Variants in MYBBP1A observed in about 807,000 individuals in gnomAD.
The protein encoded by MYBBP1A is myb-binding protein 1A.
In MYBBP1A, 147 loss-of-function variants were observed where a neutral mutation model predicts 136.3. The observed-to-expected ratio is 1.08, with a 90% CI of 0.94 to 1.24. MYBBP1A has a LOEUF of 1.24. MYBBP1A is among the 50% of genes most tolerant of loss of function. The pLI is 0.00. For synonymous variants in MYBBP1A, 947 were observed against 735.8 expected, an observed-to-expected ratio of 1.29 and a Z score of -4.65; for missense variants, 2,060 against 1,727.4, an observed-to-expected ratio of 1.19 and a Z score of -3.41.
At chr17:4,541,184 C>T (rs537573623) in intron 24 of MYBBP1A, among the ~76,000 whole-genome samples, 2 of 152,396 alleles carry the variant, frequency 1.3e-5, no homozygotes, top group East Asian at 3.9e-4. Flanking sequence ...CCAGCCCCTT[C>T]TCGGCTTTCT....
At chr17:4,545,211 C>A (rs753889303) in intron 16 of MYBBP1A, 36 bp from the exon 17 acceptor site, 27 of 1,612,818 alleles carry the variant, frequency 1.7e-5, no homozygotes, top group South Asian at 1.5e-4. Flanking sequence ...CACACCTCCC[C>A]GATCGTCCCA....
rs1906597813 is a variant in MYBBP1A, at chr17:4,542,948, C to A, written c.2857G>T (p.Gly953Cys). 1 of 1,614,018 alleles carries A rather than the reference C, an allele frequency of 6.2e-7. No homozygotes were observed. The highest frequency in any genetic ancestry group is 8.5e-7 in the Non-Finnish European group (1 of 1,179,982). Residue 953 changes from glycine (G) to cysteine (C), a missense_variant, in exon 20 of 26, where the codon GGC becomes TGC. By Grantham distance (159) the Gly-to-Cys change is radical. Coordinates refer to ENST00000254718, the MANE Select transcript of MYBBP1A (RefSeq NM_014520.4). ...GTGGGCATGTGGCTGGGGTCAGTGC[C>A]AGCTTTCTGCTTCTCCTGTGTCTCA... ...VHETQEKQKAGTDPSHMPTGP... is the reference protein window; with the variant it reads ...VHETQEKQKACTDPSHMPTGP...
Position 4,555,123 on chromosome 17 carries a change from C to G in MYBBP1A, c.198+4G>C, listed in dbSNP as rs769910744. On this transcript the variant is annotated splice_donor_region_variant and intron_variant, in intron 1 of 25. Transcript: ENST00000254718. ...AGCCTCTGCCCCAGACCCCGCCACT[C>G]CACCTTCGGCCTGCCACGCAGATAC... is the stretch of plus-strand genomic sequence containing the variant. 95 of 1,585,796 alleles carry G rather than the reference C, an allele frequency of 6.0e-5. No individual in the cohort carries two copies. The Middle Eastern group carries it at 1.5e-3, about 25-fold the overall frequency.
At chr17:4,540,689 T>C (rs961488791) in intron 24 of MYBBP1A, among the ~76,000 whole-genome samples, 6 of 148,270 alleles carry the variant, frequency 4.0e-5, no homozygotes, top group Admixed American at 1.4e-4. Flanking sequence ...TTCTCCTCCT[T>C]CCCATAGCCA....
intron 24 of MYBBP1A, 26 bp from the exon 25 acceptor site, chr17:4,540,510 G>A (rs749918858): frequency 3.8e-6 from 6 of 1,589,140 alleles, no homozygotes; most frequent in Non-Finnish European, 5.1e-6. Context: ...AGGCAGAGCT[G>A]TGGGGCCACA....
intron 19 of MYBBP1A, 102 bp from the exon 20 acceptor site, chr17:4,543,267 C>T (rs1597379497): frequency 1.4e-6 from 2 of 1,435,516 alleles, no homozygotes; most frequent in Middle Eastern, 1.9e-4. Context: ...GGGAAACAGA[C>T]CTAGAAGACG....
At chr17:4,554,494 C>CTGAT (rs1456815328) in intron 2 of MYBBP1A, among the ~76,000 whole-genome samples, 15 of 152,196 alleles carry the variant, frequency 9.9e-5, no homozygotes, top group African/African-American at 3.6e-4. Flanking sequence ...TCCCCTCAGG[C>CTGAT]TGATCCTGCA....
Position 4,542,973 on chromosome 17 carries a change from A to G in MYBBP1A, c.2832T>C (p.His944=). ...LKGNTAEGCV[H]ETQEKQKAGT... ...CAGCTTTCTGCTTCTCCTGTGTCTC[A>G]TGCACGCAGCCCTCAGCAGTGTTGC... is the stretch of plus-strand genomic sequence containing the variant. The change falls in exon 20 of 26, where the codon CAT becomes CAC. Residue 944 remains histidine (H), a synonymous_variant. Transcript: ENST00000254718. 6.2e-7 allele frequency: 1 copy of G among 1,614,012 alleles called. No homozygotes were observed. Among genetic ancestry groups the G allele is most frequent in the Non-Finnish European group, 8.5e-7 (1 of 1,179,978 alleles).
chr17:4,546,307 C>T (rs928612577), intron 13 of MYBBP1A, among the ~76,000 whole-genome samples: 3 of 152,130 alleles, frequency 2.0e-5, no homozygotes, highest in Non-Finnish European at 2.9e-5. Context: ...TGAGTAGAGA[C>T]GGGGTTTCAC....
chr17:4,555,362 C>G lies in MYBBP1A; in HGVS notation c.-38G>C, dbSNP rs7219079. The G allele has an allele frequency of 1.3e-6, 2 of 1,558,076 alleles. No individual in the cohort carries two copies. The highest frequency in any genetic ancestry group is 1.4e-5 in the African/African-American group (1 of 73,860). On this transcript the variant is annotated 5_prime_UTR_variant, in exon 1 of 26. Transcript: ENST00000254718. ...CACCGAAACACGAAACACGTGTGCTCCGGCCCCAGCCGCTTCCAGGTCAGG... is the reference window on the plus strand; with the variant it reads ...CACCGAAACACGAAACACGTGTGCTGCGGCCCCAGCCGCTTCCAGGTCAGG...
chr17:4,542,230 C>T, intron 22 of MYBBP1A: 2 of 591,124 alleles, frequency 3.4e-6, no homozygotes, highest in South Asian at 2.2e-5. Context: ...GCAGTGGCTG[C>T]GGGAGTGAGG....
intron 13 of MYBBP1A, among the ~76,000 whole-genome samples, chr17:4,547,389 A>G (rs939676320): frequency 4.6e-5 from 7 of 152,182 alleles, no homozygotes; most frequent in African/African-American, 1.2e-4. Flanking sequence ...ACCTTTCCCC[A>G]AACAGCTCAT....
rs779050285 is a variant in MYBBP1A at position 4,548,482 on chromosome 17, C to A, written c.1556+42G>T. ...CTGGAGGGAGCAGGCGCCCTCAAGG[C>A]CTTCCCACCTTCGGACCTCTCCTGG... On this transcript the variant is annotated intron_variant, in intron 11 of 25. Coordinates refer to ENST00000254718, the MANE Select transcript of MYBBP1A (RefSeq NM_014520.4). This position sits in a 1 kb window ranked among gnomAD's most constrained non-coding sequence, Gnocchi z 4.2. 1.2e-6 allele frequency: 2 copies of A among 1,613,122 alleles called. No homozygotes were observed. The highest frequency in any genetic ancestry group is 2.2e-5 in the East Asian group (1 of 44,886).
intron 22 of MYBBP1A, chr17:4,542,246 C>T: frequency 3.3e-6 from 2 of 605,554 alleles, no homozygotes; most frequent in South Asian, 4.3e-5. Context: ...TGAGGCTGGC[C>T]CTGCCCCCTC....
At chr17:4,546,620 G>A (rs1278487190) in intron 13 of MYBBP1A, among the ~76,000 whole-genome samples, 1 of 152,208 alleles carries the variant, frequency 6.6e-6, no homozygotes, top group African/African-American at 2.4e-5. Flanking sequence ...CTTGGCATGA[G>A]AGACAGAATT....
chr17:4,538,980 A>G lies in MYBBP1A; in HGVS notation c.*435T>C, dbSNP rs905917204. On this transcript the variant is annotated 3_prime_UTR_variant, in exon 26 of 26. Transcript: ENST00000254718. ...GCTGATTGTGAATCTCAGAGTCTTA[A>G]GAGAGAAGCCAAATATATTCCTCTT... The G allele has an allele frequency of 8.8e-6, 7 of 799,226 alleles. No individual in the cohort carries two copies. The highest frequency in any genetic ancestry group is 6.9e-6 in the Non-Finnish European group (3 of 434,742). 49.5% of individuals were successfully genotyped at this position (799,226 alleles called of 1,614,324 possible). A position where few individuals can be genotyped will look rare whatever the true frequency, so the allele number is the denominator to read the frequency against.
chr17:4,541,400 C>T (rs1444421875), intron 24 of MYBBP1A, 63 bp downstream of exon 24: 11 of 1,427,372 alleles, frequency 7.7e-6, no homozygotes, highest in Middle Eastern at 1.8e-4. Flanking sequence ...CACTGCTGGC[C>T]GGGAGGCCCC....
Position 4,539,404 on chromosome 17 carries a change from C to G in MYBBP1A, c.*11G>C, listed in dbSNP as rs373970065. On this transcript the variant is annotated 3_prime_UTR_variant, in exon 26 of 26. Coordinates refer to ENST00000254718, the MANE Select transcript of MYBBP1A (RefSeq NM_014520.4). The stretch of plus-strand genomic sequence containing the variant: ...ATGGAGGCAGGGGCTGAGGGGGGCC[C>G]GTACCTGTGCTCAGGGCTTCCCTGC... 4.4e-6 allele frequency: 7 copies of G among 1,598,290 alleles called. No homozygotes were observed. The highest frequency in any genetic ancestry group is 1.1e-5 in the South Asian group (1 of 89,626).
At chr17:4,545,454 G>A (rs1906914442) in intron 15 of MYBBP1A, 109 bp from the exon 16 acceptor site, 3 of 1,529,976 alleles carry the variant, frequency 2.0e-6, no homozygotes, top group South Asian at 1.2e-5. Flanking sequence ...ACGGAGCCTA[G>A]GAGAGGCGGC....
Sources: gnomAD v4.1 joint callset for allele counts (sites outside exome capture counted in the v4.1 genomes callset) on GRCh38, gnomAD v4.1.1 for gene constraint, Gnocchi (gnomAD v3.1) non-coding constraint, MANE v1.5 for transcripts, NCBI Gene and HGNC (gene_info 2026-07-23, HGNC 2026-07-21) for gene names.